Variants in ASPG observed in about 807,000 individuals in gnomAD.
ASPG encodes the protein 60 kDa lysophospholipase.
In ASPG, 53 loss-of-function variants were observed where a neutral mutation model predicts 63.2. The observed-to-expected ratio is 0.84, with a 90% CI of 0.67 to 1.05. ASPG has a LOEUF of 1.05. Among genes scored for constraint, ASPG ranks in the 50% least tolerant of loss-of-function variants. ASPG has a pLI of 0.00. For synonymous variants in ASPG, 370 were observed against 355.0 expected (o/e 1.04, Z -0.48); for missense variants, 741 against 794.4 (o/e 0.93, Z 0.81).
intron 1 of ASPG, 117 bp from the exon 2 acceptor site, chr14:104,092,516 G>T (rs923737078): frequency 2.3e-6 from 2 of 857,430 alleles, no homozygotes; most frequent in South Asian, 3.1e-5. Flanking sequence ...CCCAGCCTCT[G>T]ACTGTCATAA....
At position 104,109,316 on chromosome 14, in the gene ASPG, G is replaced by GT; in HGVS notation, c.1520+2dup. 1 of 1,608,032 alleles carries GT rather than the reference G, an allele frequency of 6.2e-7. No individual in the cohort carries two copies. The highest frequency in any genetic ancestry group is 8.5e-7 in the Non-Finnish European group (1 of 1,177,520). ...AGGAAGCAGGGACGGAGCTGTGCAG[G>GT]TGAGTGCAGCTAGAGCACCTGCTCT... is the stretch of plus-strand genomic sequence containing the variant. On this transcript the variant is annotated splice_donor_variant, in intron 13 of 15. Coordinates refer to ENST00000551177, the MANE Select transcript of ASPG (RefSeq NM_001080464.3). LOFTEE classifies it high-confidence loss of function. The surrounding 1 kb of genome is among the most constrained non-coding windows in gnomAD (Gnocchi z 4.8).
At chr14:104,111,036 C>T (rs2037361830) in intron 13 of ASPG, 2 of 985,462 alleles carry the variant, frequency 2.0e-6, no homozygotes, top group Non-Finnish European at 1.2e-6. Context: ...CTCAAACTTT[C>T]CTTCCACCTT....
At chr14:104,095,682 AG>A (rs1308140003) in intron 4 of ASPG, 26 bp downstream of exon 4, 3 of 1,611,314 alleles carry the variant, frequency 1.9e-6, no homozygotes, top group African/African-American at 2.7e-5. Flanking sequence ...CGGGGCTCCT[AG>A]GAACAGGGGC....
intron 6 of ASPG, among the ~76,000 whole-genome samples, chr14:104,100,147 T>C (rs1419023517): frequency 6.6e-6 from 1 of 152,176 alleles, no homozygotes; most frequent in East Asian, 1.9e-4. Flanking sequence ...GGCTATGGGC[T>C]GCTGGGGCAC....
rs1306502311 is a variant in ASPG at position 104,112,132 on chromosome 14, G to C, written c.1701+132G>C. 3 of 816,634 alleles carry C rather than the reference G, an allele frequency of 3.7e-6. No homozygotes were observed. In the Admixed American group the frequency reaches 7.9e-5, roughly 21 times the overall value. The allele number at this position is 816,634 out of a possible 1,614,324, so 50.6% of individuals were successfully genotyped here. The stretch of plus-strand genomic sequence containing the variant: ...CTGAGATGGGTCCCAGCCAGTTTAG[G>C]GTCTGCAGAGCCCCTCCTGGGGATG... On this transcript the variant is annotated intron_variant, in intron 15 of 15. Coordinates refer to ENST00000551177, the MANE Select transcript of ASPG (RefSeq NM_001080464.3).
intron 6 of ASPG, among the ~76,000 whole-genome samples, chr14:104,101,673 T>C (rs370649922): frequency 4.6e-5 from 7 of 152,264 alleles, no homozygotes; most frequent in African/African-American, 1.7e-4. Context: ...AGGCCAGGCC[T>C]GTCACTCACC....
At chr14:104,088,340 G>A (rs1028670386) in intron 1 of ASPG, among the ~76,000 whole-genome samples, 3 of 152,136 alleles carry the variant, frequency 2.0e-5, no homozygotes, top group African/African-American at 7.2e-5. Context: ...GGTGATGCCA[G>A]TGGGGACGCC....
At position 104,103,547 on chromosome 14, in the gene ASPG, C is replaced by T. The variant is rs1215023827; in HGVS notation, c.641-16C>T. 1.9e-6 allele frequency: 3 copies of T among 1,545,528 alleles called. No individual in the cohort carries two copies. Among genetic ancestry groups the T allele is most frequent in the East Asian group, 2.4e-5 (1 of 40,888 alleles). On this transcript the variant is annotated splice_polypyrimidine_tract_variant and intron_variant, in intron 6 of 15. Coordinates refer to ENST00000551177, the MANE Select transcript of ASPG (RefSeq NM_001080464.3). The stretch of plus-strand genomic sequence containing the variant: ...GGAGGCCTGAAGGCACCACACAGGC[C>T]CTTCCCTGTCCTCAGTCAACAGGGA...
At chr14:104,092,428 G>T (rs953161974) in intron 1 of ASPG, among the ~76,000 whole-genome samples, 7 of 152,198 alleles carry the variant, frequency 4.6e-5, no homozygotes, top group African/African-American at 1.7e-4. Context: ...CGGGCTCCAA[G>T]GCAGGAAGCC....
chr14:104,086,811 C>A (rs1020878529), intron 1 of ASPG, among the ~76,000 whole-genome samples: 16 of 152,226 alleles, frequency 1.1e-4, no homozygotes, highest in African/African-American at 3.4e-4. Context: ...GCTGCCCTGG[C>A]CCCTCCCCAC....
Position 104,104,321 on chromosome 14 carries a change from G to C in ASPG, c.771G>C (p.Gln257His). ...CCCCACAGGTTCGGGCCTTCTTGCA[G>C]CCTCCCCTGAAGGGCGTGGTCATGG... The part of the protein sequence containing the change: ...IPAALVRAFL[Q>H]PPLKGVVMET... Residue 257 changes from glutamine to histidine, a missense_variant, in exon 8 of 16, where the codon CAG becomes CAC. Gln to His is a conservative substitution (Grantham distance 24, BLOSUM62 0). Coordinates refer to ENST00000551177, the MANE Select transcript of ASPG (RefSeq NM_001080464.3). 1 of 1,611,980 alleles carries C rather than the reference G, an allele frequency of 6.2e-7. No homozygotes were observed. Among genetic ancestry groups the C allele is most frequent in the Non-Finnish European group, 8.5e-7 (1 of 1,179,360 alleles).
intron 9 of ASPG, 99 bp downstream of exon 9, chr14:104,104,834 G>T: frequency 9.7e-7 from 1 of 1,034,890 alleles, no homozygotes; most frequent in East Asian, 2.6e-5. Context: ...GAGCCTGGGG[G>T]CCGGTCCAGG....
At chr14:104,111,119 G>A (rs1054682114) in intron 13 of ASPG, 8 of 985,278 alleles carry the variant, frequency 8.1e-6, no homozygotes, top group African/African-American at 1.7e-5. Flanking sequence ...GCAGGTGGGC[G>A]TGCATATGTG....
At chr14:104,107,010 C>T (rs937188766) in intron 11 of ASPG, 116 bp downstream of exon 11, 2 of 1,311,304 alleles carry the variant, frequency 1.5e-6, no homozygotes, top group African/African-American at 1.5e-5. Context: ...CCCTTGTCAG[C>T]CAGACTGGGC....
In ASPG at chr14:104,112,790, CTG is replaced by C. The variant is rs2037417658; in HGVS notation, c.*249_*250del. 9 of 801,548 alleles carry C rather than the reference CTG, an allele frequency of 1.1e-5. No individual in the cohort carries two copies. Among genetic ancestry groups the C allele is most frequent in the Non-Finnish European group, 1.7e-5 (9 of 526,828 alleles). The allele number at this position is 801,548 out of a possible 1,614,324, so 49.7% of individuals were successfully genotyped here. A position where few individuals can be genotyped will look rare whatever the true frequency, so the allele number is the denominator to read the frequency against. On this transcript the variant is annotated 3_prime_UTR_variant, in exon 16 of 16. Coordinates refer to ENST00000551177, the MANE Select transcript of ASPG (RefSeq NM_001080464.3). ...GTGTGTGGGGAGTCAGGCCCAGGCTCTGTGGGGTCTCTGCGGGGGTCACTTGG... is the reference window on the plus strand; with the variant it reads ...GTGTGTGGGGAGTCAGGCCCAGGCTCTGGGGTCTCTGCGGGGGTCACTTGG...
chr14:104,104,557 C>T, intron 8 of ASPG, 65 bp from the exon 9 acceptor site: 1 of 1,587,656 alleles, frequency 6.3e-7, no homozygotes, highest in Non-Finnish European at 8.6e-7. Context: ...GGGCTCTGAC[C>T]CACCCCTCAT....
rs1367906524 is a variant in ASPG, at chr14:104,108,832, G to A, written c.1434-397G>A. 12 of 985,236 alleles carry A rather than the reference G, an allele frequency of 1.2e-5. No homozygotes were observed. The South Asian group carries it at 1.9e-4, about 15-fold the overall frequency. The allele number at this position is 985,236 out of a possible 1,614,324, so 61.0% of individuals were successfully genotyped here. On this transcript the variant is annotated intron_variant, in intron 12 of 15. Transcript: ENST00000551177. ...CAGCGTTTGGGTGTGCAGTGGGGCC[G>A]GTCAGCTCATGTAAGGCTGTCCTCT...
intron 13 of ASPG, among the ~76,000 whole-genome samples, 162 bp from the exon 14 acceptor site, chr14:104,111,340 G>T (rs867105499): frequency 1.3e-5 from 2 of 152,182 alleles, no homozygotes; most frequent in African/African-American, 4.8e-5. Flanking sequence ...CAGGCTGCCC[G>T]ATGGCCCCCA....
Position 104,103,625 on chromosome 14 carries a change from G to A in ASPG, c.703G>A (p.Glu235Lys), listed in dbSNP as rs1451424935. Reference sequence around the variant, plus strand: ...TGGGCTGGTGGTGCACAGCAGCATGGAGCAGGACGTGGGCCTGCTGCGCCT... The same window carrying A: ...TGGGCTGGTGGTGCACAGCAGCATGAAGCAGGACGTGGGCCTGCTGCGCCT... Reference protein sequence around the residue: ...KAGLVVHSSMEQDVGLLRLYP... With the variant: ...KAGLVVHSSMKQDVGLLRLYP... Residue 235 changes from glutamate to lysine, a missense_variant, in exon 7 of 16, where the codon GAG becomes AAG. Physicochemically the swap from Glu to Lys is moderately conservative, Grantham distance 56. Transcript: ENST00000551177. The A allele has an allele frequency of 1.3e-6, 2 of 1,548,148 alleles. No individual in the cohort carries two copies. Among genetic ancestry groups the A allele is most frequent in the Admixed American group, 3.9e-5 (2 of 51,002 alleles).
Sources: gnomAD v4.1 joint callset for allele counts (sites outside exome capture counted in the v4.1 genomes callset) on GRCh38, gnomAD v4.1.1 for gene constraint, Gnocchi (gnomAD v3.1) non-coding constraint, MANE v1.5 for transcripts, NCBI Gene and HGNC (gene_info 2026-07-23, HGNC 2026-07-21) for gene names.